Variants in ZFHX3 observed in about 807,000 individuals in gnomAD.
ZFHX3 encodes zinc finger homeobox protein 3.
In ZFHX3, 42 loss-of-function variants were observed where a neutral mutation model predicts 279.1. That is an observed-to-expected ratio of 0.15 (90% CI 0.12 to 0.19). The LOEUF (loss-of-function observed/expected upper bound fraction) is 0.19. Ranked by LOEUF, ZFHX3 falls within the 10% of genes least tolerant of loss-of-function variation. ZFHX3 has a pLI of 1.00. For missense variants in ZFHX3, 4,981 were observed against 4,754.0 expected, an observed-to-expected ratio of 1.05 and a Z score of -1.40; for synonymous variants, 2,293 against 1,957.8, an observed-to-expected ratio of 1.17 and a Z score of -4.52.
upstream of ZFHX3, chr16:73,060,208 C>T (rs1423056269): frequency 7.2e-6 from 1 of 138,324 alleles, no homozygotes; most frequent in Non-Finnish European, 1.5e-5. Context: ...AAATTACATA[C>T]CCCTTCCCTA....
intron 2 of ZFHX3, among the ~76,000 whole-genome samples, chr16:73,461,892 C>G (rs2018477779): frequency 6.6e-6 from 1 of 152,094 alleles, no homozygotes; most frequent in Non-Finnish European, 1.5e-5. Context: ...GAATAATTTT[C>G]CTATATTACA....
intron 3 of ZFHX3, among the ~76,000 whole-genome samples, chr16:73,377,208 G>C (rs2049332690): frequency 6.6e-6 from 1 of 152,036 alleles, no homozygotes; most frequent in East Asian, 1.9e-4. Context: ...CTGACCTCAA[G>C]TGATCCACCC....
At chr16:73,051,650 C>A (rs548262655), upstream of ZFHX3, among the ~76,000 whole-genome samples, 33 of 152,308 alleles carry the variant, frequency 2.2e-4, no homozygotes, top group African/African-American at 7.7e-4. Context: ...TGATATCCCA[C>A]AACAAAGATA....
intron 1 of ZFHX3, among the ~76,000 whole-genome samples, chr16:73,682,912 GAAAGAGA>G (rs2053032303): frequency 5.1e-5 from 1 of 19,480 alleles, no homozygotes; most frequent in African/African-American, 1.3e-4. Context: ...GAAAGAGAAA[GAAAGAGA>G]GAAAGAGAAA....
rs115691355 is a variant in ZFHX3, at chr16:72,944,263, C to T, written c.3216+6206G>A. On this transcript the variant is annotated intron_variant, in intron 3 of 9. Coordinates refer to ENST00000268489, the MANE Select transcript of ZFHX3 (RefSeq NM_006885.4). ...TCACGCCACTGCACTCCCATGTGAG[C>T]GACAGAGTGAGACCCTGTCTCAAAA... 7.9e-3 allele frequency among the ~76,000 whole-genome samples: 1,196 copies of T among 152,106 alleles called. 15 individuals carry two copies. Among genetic ancestry groups the T allele is most frequent in the African/African-American group, 0.027 (1,135 of 41,486 alleles).
chr16:73,740,828 G>A (rs76839244), intron 1 of ZFHX3, among the ~76,000 whole-genome samples: 6,520 of 152,144 alleles, frequency 0.043, 501 homozygotes, highest in African/African-American at 0.15. Context: ...TCTCATTATG[G>A]AATGCAAGAG....
At chr16:73,333,669 T>C (rs886812885) in intron 3 of ZFHX3, among the ~76,000 whole-genome samples, 1 of 151,946 alleles carries the variant, frequency 6.6e-6, no homozygotes, top group African/African-American at 2.4e-5. Flanking sequence ...TAACAAGGGC[T>C]CTATACTAGG....
At chr16:72,929,619 T>A (rs1463436744) in intron 3 of ZFHX3, among the ~76,000 whole-genome samples, 3 of 152,252 alleles carry the variant, frequency 2.0e-5, no homozygotes. Context: ...GGCCTCGCCC[T>A]GTGGCTCTTG....
At chr16:73,715,562 C>CT (rs949665075) in intron 1 of ZFHX3, among the ~76,000 whole-genome samples, 2,253 of 63,064 alleles carry the variant, frequency 0.036, 581 homozygotes, top group African/African-American at 0.082. Context: ...CACAGCTGGT[C>CT]TTTTTTTTTT....
At chr16:73,344,498 T>C (rs924544489) in intron 3 of ZFHX3, among the ~76,000 whole-genome samples, 1 of 152,170 alleles carries the variant, frequency 6.6e-6, no homozygotes, top group Non-Finnish European at 1.5e-5. Context: ...ATGGAAAAAA[T>C]TTGAATTTGG....
intron 1 of ZFHX3, among the ~76,000 whole-genome samples, chr16:73,740,438 A>T (rs567697643): frequency 6.6e-6 from 1 of 152,196 alleles, no homozygotes; most frequent in Non-Finnish European, 1.5e-5. Flanking sequence ...TCAGGGCTAT[A>T]TATGGCAGGC....
intron 2 of ZFHX3, among the ~76,000 whole-genome samples, chr16:73,613,731 C>A (rs937932486): frequency 6.6e-6 from 1 of 152,120 alleles, no homozygotes; most frequent in African/African-American, 2.4e-5. Flanking sequence ...ATTGTGTGCC[C>A]CGTTTCACTA....
intron 1 of ZFHX3, among the ~76,000 whole-genome samples, chr16:72,979,301 A>G (rs1403485285): frequency 6.6e-6 from 1 of 152,182 alleles, no homozygotes; most frequent in South Asian, 2.1e-4. Context: ...GATCCCTCCA[A>G]CTGTTTGCCT....
At chr16:72,916,383 A>G (rs746313875) in intron 3 of ZFHX3, among the ~76,000 whole-genome samples, 3 of 152,242 alleles carry the variant, frequency 2.0e-5, no homozygotes, top group Non-Finnish European at 4.4e-5. Context: ...GAGAATGCTG[A>G]TGATAAATCA....
chr16:73,127,075 G>C (rs1367149380), intron 7 of ZFHX3: 1 of 253,524 alleles, frequency 3.9e-6, no homozygotes, highest in Non-Finnish European at 7.8e-6. Flanking sequence ...CTAAGAGACG[G>C]GGTGCAGGGC....
At chr16:73,209,453 G>C (rs2011930958) in intron 5 of ZFHX3, among the ~76,000 whole-genome samples, 1 of 152,152 alleles carries the variant, frequency 6.6e-6, no homozygotes, top group Non-Finnish European at 1.5e-5. Flanking sequence ...ATGTTGCCTT[G>C]AATGCCGCAT....
chr16:73,484,564 C>T (rs913239500), intron 2 of ZFHX3, among the ~76,000 whole-genome samples: 5 of 152,134 alleles, frequency 3.3e-5, no homozygotes, highest in African/African-American at 1.2e-4. Context: ...GCAGAATGGT[C>T]CGTTCGGGGC....
Position 73,289,692 on chromosome 16 carries a change from C to T in ZFHX3, c.-1194+28548G>A, listed in dbSNP as rs377738976. ...TCTGCAAAGCCAGTGTGGCTGGTCT[C>T]GGTCCTACTGGTCAGTGGTGGCTAA... is the stretch of plus-strand genomic sequence containing the variant. On this transcript the variant is annotated intron_variant, in intron 4 of 17. Transcript: ENST00000641206. Among the ~76,000 whole-genome samples the T allele has an allele frequency of 3.9e-5, 6 of 152,192 alleles. No homozygotes were observed. The East Asian group carries it at 5.8e-4, about 15-fold the overall frequency.
At chr16:73,172,427 C>A (rs1967551473) in intron 5 of ZFHX3, among the ~76,000 whole-genome samples, 1 of 152,206 alleles carries the variant, frequency 6.6e-6, no homozygotes. Context: ...TCAAAATAGC[C>A]CCAGCCGAGC....
Sources: allele counts gnomAD v4.1 joint callset (sites outside exome capture counted in the v4.1 genomes callset), GRCh38; gene constraint gnomAD v4.1.1; transcripts MANE v1.5; gene names NCBI Gene and HGNC (gene_info 2026-07-23, HGNC 2026-07-21).